Variants in DLGAP2 observed in about 807,000 individuals in gnomAD.
DLGAP2 encodes DLG associated protein 2.
In DLGAP2, 26 loss-of-function variants were observed where a neutral mutation model predicts 100.3. The ratio of observed to expected loss-of-function variants is 0.26; its 90% confidence interval spans 0.19 to 0.36. The LOEUF (loss-of-function observed/expected upper bound fraction) is 0.36, where lower values mean the gene tolerates loss of function less well. DLGAP2 is among the 10% of genes least tolerant of loss of function. DLGAP2 has a pLI of 1.00. For synonymous variants in DLGAP2, 886 were observed against 630.1 expected (o/e 1.41, Z -6.08); for missense variants, 1,858 against 1,453.2 (o/e 1.28, Z -4.53).
At chr8:1,459,580 T>C (rs1170906293) in intron 3 of DLGAP2, among the ~76,000 whole-genome samples, 1 of 152,162 alleles carries the variant, frequency 6.6e-6, no homozygotes, top group African/African-American at 2.4e-5. Flanking sequence ...GTTTATAAAA[T>C]TGATTAATTG....
intron 2 of DLGAP2, among the ~76,000 whole-genome samples, chr8:1,051,444 C>T (rs552472864): frequency 4.7e-4 from 71 of 152,236 alleles, no homozygotes; most frequent in Admixed American, 4.0e-3. Flanking sequence ...ACCGTCAGCA[C>T]GTGGGGAGTG....
rs192201706 is a variant in DLGAP2 at position 1,708,095 on chromosome 8, T to G, written c.*6689T>G. 1.1e-4 allele frequency: 17 copies of G among 152,386 alleles called. No homozygotes were observed. Among genetic ancestry groups the G allele is most frequent in the African/African-American group, 3.8e-4 (16 of 41,564 alleles). The allele number at this position is 152,386 out of a possible 1,614,324, so 9.4% of individuals were successfully genotyped here. A position where few individuals can be genotyped will look rare whatever the true frequency, so the allele number is the denominator to read the frequency against. ...CTTTTTTCCCATGACTTTTTTTCAC[T>G]CTCAGCTGACTGTAAGAAACTGTGC... On this transcript the variant is annotated 3_prime_UTR_variant, in exon 15 of 15. Transcript: ENST00000637795.
chr8:1,366,361 C>T (rs1441323965), intron 3 of DLGAP2, among the ~76,000 whole-genome samples: 1 of 152,216 alleles, frequency 6.6e-6, no homozygotes, highest in South Asian at 2.1e-4. Flanking sequence ...AGGGGCTGCA[C>T]ACCCAGGGAC....
At chr8:887,378 G>C (rs1797943913) in intron 1 of DLGAP2, among the ~76,000 whole-genome samples, 1 of 152,094 alleles carries the variant, frequency 6.6e-6, no homozygotes, top group Admixed American at 6.5e-5. Flanking sequence ...TTACATTTAA[G>C]GTTAGTATTG....
intron 2 of DLGAP2, among the ~76,000 whole-genome samples, chr8:1,222,653 G>C (rs1323046220): frequency 2.0e-5 from 3 of 151,952 alleles, no homozygotes; most frequent in Admixed American, 6.6e-5. Context: ...GGGGGAGGCT[G>C]CTGGTGGGTG....
intron 6 of DLGAP2, among the ~76,000 whole-genome samples, chr8:1,589,089 C>A (rs1463190878): frequency 6.6e-6 from 1 of 152,170 alleles, no homozygotes; most frequent in South Asian, 2.1e-4. Context: ...TGTATGAATG[C>A]ACAGTAATCC....
intron 2 of DLGAP2, among the ~76,000 whole-genome samples, chr8:999,717 G>C (rs1261540448): frequency 6.6e-6 from 1 of 152,166 alleles, no homozygotes; most frequent in Non-Finnish European, 1.5e-5. Context: ...TTGACCTCGT[G>C]ATCCACCTGC....
chr8:976,536 C>T lies in DLGAP2; in HGVS notation c.73+68570C>T, dbSNP rs185209414. On this transcript the variant is annotated intron_variant, in intron 2 of 14. Coordinates refer to ENST00000637795, the MANE Select transcript of DLGAP2 (RefSeq NM_001346810.2). ...CTGAGGCAGGCGAATGGCGTGAACC[C>T]GGGAGGTGGAGCTTGCAGTGAGGCG... Among the ~76,000 whole-genome samples, 679 of 152,194 alleles carry T rather than the reference C, an allele frequency of 4.5e-3. 6 individuals are homozygous for T. Among genetic ancestry groups the T allele is most frequent in the African/African-American group, 0.015 (629 of 41,520 alleles).
At chr8:778,075 T>G (rs1178998346) in intron 1 of DLGAP2, among the ~76,000 whole-genome samples, 1 of 151,876 alleles carries the variant, frequency 6.6e-6, no homozygotes, top group Non-Finnish European at 1.5e-5. Flanking sequence ...GAACTTCCCT[T>G]CTCGTTTCAT....
At chr8:1,089,474 G>A (rs367677728) in intron 2 of DLGAP2, among the ~76,000 whole-genome samples, 5 of 152,154 alleles carry the variant, frequency 3.3e-5, no homozygotes, top group African/African-American at 9.7e-5. Flanking sequence ...AGTCAGCTCC[G>A]TCTGTCCCCC....
chr8:1,275,373 A>C (rs1055387854), intron 3 of DLGAP2, among the ~76,000 whole-genome samples: 1 of 151,472 alleles, frequency 6.6e-6, no homozygotes. Context: ...AAAAAAAAAA[A>C]ACACAATAGA....
chr8:1,382,092 G>C lies in DLGAP2; in HGVS notation c.107-119274G>C, dbSNP rs1040254971. On this transcript the variant is annotated intron_variant, in intron 3 of 14. Transcript: ENST00000637795. Reference sequence around the variant, plus strand: ...CCGCATATAACTTTTGACTCCCCCAGACTTTACTGCTGATAGCCTCCTGTT... The same window carrying C: ...CCGCATATAACTTTTGACTCCCCCACACTTTACTGCTGATAGCCTCCTGTT... 2.6e-5 allele frequency among the ~76,000 whole-genome samples: 4 copies of C among 152,118 alleles called. No individual in the cohort carries two copies. The East Asian group carries it at 5.8e-4, about 22-fold the overall frequency.
At chr8:1,096,796 C>A (rs1358550619) in intron 2 of DLGAP2, among the ~76,000 whole-genome samples, 1 of 145,876 alleles carries the variant, frequency 6.9e-6, no homozygotes, top group Non-Finnish European at 1.5e-5. Flanking sequence ...GAGAGGTCCC[C>A]TCCAGTGTGA....
At chr8:1,591,022 G>A (rs1796273826) in intron 6 of DLGAP2, among the ~76,000 whole-genome samples, 1 of 152,222 alleles carries the variant, frequency 6.6e-6, no homozygotes, top group East Asian at 1.9e-4. Context: ...TGAGGATGTA[G>A]ATATGAAAAC....
chr8:1,483,311 G>A (rs73536542), intron 3 of DLGAP2, among the ~76,000 whole-genome samples: 9,296 of 152,270 alleles, frequency 0.061, 921 homozygotes, highest in African/African-American at 0.21. Flanking sequence ...GTGAGGAAGT[G>A]AGCGTGGCGG....
At chr8:1,469,982 C>G (rs771074496) in intron 3 of DLGAP2, among the ~76,000 whole-genome samples, 5 of 146,956 alleles carry the variant, frequency 3.4e-5, no homozygotes, top group Non-Finnish European at 7.4e-5. Flanking sequence ...ATAGGGAGAC[C>G]TCATCCCTAA....
chr8:774,144 T>C (rs1430746068), intron 1 of DLGAP2, among the ~76,000 whole-genome samples: 3 of 152,236 alleles, frequency 2.0e-5, no homozygotes, highest in Non-Finnish European at 2.9e-5. Context: ...CATAAATGTC[T>C]TCTTTTGAGA....
chr8:1,428,044 A>T (rs949201039), intron 3 of DLGAP2, among the ~76,000 whole-genome samples: 48 of 152,312 alleles, frequency 3.2e-4, no homozygotes, highest in African/African-American at 1.1e-3. Context: ...TGACAAGGAA[A>T]ATAAAAATAA....
At chr8:1,413,311 G>A (rs1459887220) in intron 3 of DLGAP2, among the ~76,000 whole-genome samples, 1 of 152,182 alleles carries the variant, frequency 6.6e-6, no homozygotes, top group Admixed American at 6.5e-5. Flanking sequence ...TGAATAAATG[G>A]ATAGATATTT....
Sources: allele counts gnomAD v4.1 joint callset (sites outside exome capture counted in the v4.1 genomes callset), GRCh38; gene constraint gnomAD v4.1.1; transcripts MANE v1.5; gene names NCBI Gene and HGNC (gene_info 2026-07-23, HGNC 2026-07-21).